ULK1: variants seen among roughly 807,000 people sequenced by gnomAD.
ULK1 encodes serine/threonine-protein kinase ULK1.
ULK1 carries 48 observed loss-of-function variants against 117.5 expected under a neutral mutation model. The observed-to-expected ratio is 0.41, with a 90% CI of 0.32 to 0.52. The LOEUF is 0.52. Among genes scored for constraint, ULK1 ranks in the 20% least tolerant of loss-of-function variants. ULK1 has a pLI of 0.29. For missense variants in ULK1, 1,387 were observed against 1,473.4 expected, an observed-to-expected ratio of 0.94 and a Z score of 0.96; for synonymous variants, 790 against 637.8, an observed-to-expected ratio of 1.24 and a Z score of -3.60.
At chr12:131,907,572 C>T in intron 5 of ULK1, 41 bp downstream of exon 5, 1 of 1,596,482 alleles carries the variant, frequency 6.3e-7, no homozygotes, top group Non-Finnish European at 8.5e-7. Context: ...CAGCCGGTCC[C>T]ACAGGGCCCG....
rs1278566482 is a variant in ULK1, at chr12:131,919,999, C to G, written c.2824C>G (p.Leu942Val). Residue 942 changes from leucine to valine, a missense_variant, in exon 26 of 28, where the codon CTG becomes GTG. Around this residue, in one of 4 missense-constraint regions of ULK1, gnomAD observed 900 missense variants for 858.9 expected, o/e 1.05. Coordinates refer to ENST00000321867, the MANE Select transcript of ULK1 (RefSeq NM_003565.4). ...VKQVVRRLNE[L>V]YKASVVSCQG... ...TGCAGTGGTGCGCAGGCTGAATGAG[C>G]TGTACAAGGCCAGCGTGGTGTCCTG... 6.2e-7 allele frequency: 1 copy of G among 1,612,766 alleles called. No individual in the cohort carries two copies. Among genetic ancestry groups the G allele is most frequent in the Non-Finnish European group, 8.5e-7 (1 of 1,179,888 alleles).
Position 131,903,614 on chromosome 12 carries a change from T to C in ULK1, c.247-3278T>C, listed in dbSNP as rs1022604361. Among the ~76,000 whole-genome samples the C allele has an allele frequency of 2.6e-5, 4 of 151,734 alleles. No individual in the cohort carries two copies. The highest frequency in any genetic ancestry group is 2.9e-5 in the Non-Finnish European group (2 of 67,942). ...GAAGCTGTCATCTGTCCCAGGGGAG[T>C]TGGGAAGACCCGAATGCCTGTGGTG... On this transcript the variant is annotated intron_variant, in intron 3 of 27. Transcript: ENST00000321867. This position sits in a 1 kb window ranked among gnomAD's most constrained non-coding sequence, Gnocchi z 6.0.
chr12:131,919,035 G>A (rs1234540955), intron 23 of ULK1, among the ~76,000 whole-genome samples, 177 bp from the exon 24 acceptor site: 1 of 145,350 alleles, frequency 6.9e-6, no homozygotes, highest in Non-Finnish European at 1.5e-5. Flanking sequence ...TGGGGTGTAC[G>A]GTGTGTGGGG....
chr12:131,894,977 C>G lies in ULK1; in HGVS notation c.-25C>G, dbSNP rs1888801049. On this transcript the variant is annotated 5_prime_UTR_variant, in exon 1 of 28. Coordinates refer to ENST00000321867, the MANE Select transcript of ULK1 (RefSeq NM_003565.4). ...CGCGCCTTGGCCCGCCACCCCCCGCCCCGCGCCCCCGGCCCGCCTGCGCCA... is the reference window on the plus strand; with the variant it reads ...CGCGCCTTGGCCCGCCACCCCCCGCGCCGCGCCCCCGGCCCGCCTGCGCCA... 7.9e-7 allele frequency: 1 copy of G among 1,265,828 alleles called. No individual in the cohort carries two copies. The highest frequency in any genetic ancestry group is 1.0e-6 in the Non-Finnish European group (1 of 998,334). 78.4% of individuals were successfully genotyped at this position (1,265,828 alleles called of 1,614,324 possible).
intron 26 of ULK1, 99 bp from the exon 27 acceptor site, chr12:131,921,001 T>C (rs1593278859): frequency 1.4e-6 from 2 of 1,446,490 alleles, no homozygotes; most frequent in Non-Finnish European, 1.8e-6. Flanking sequence ...CCTGAGCGCC[T>C]ATCTGCCACC....
Position 131,895,668 on chromosome 12 carries a change from T to C in ULK1, c.179T>C (p.Leu60Pro). The C allele has an allele frequency of 6.2e-7, 1 of 1,613,960 alleles. No homozygotes were observed. The highest frequency in any genetic ancestry group is 8.5e-7 in the Non-Finnish European group (1 of 1,179,988). Residue 60 changes from leucine to proline, a missense_variant, in exon 2 of 28, where the codon CTG (leucine) becomes CCG (proline). Transcript: ENST00000321867. ...KKNLAKSQTLLGKEIKILKEL... is the reference protein window; with the variant it reads ...KKNLAKSQTLPGKEIKILKEL... ...AACCTCGCCAAGTCTCAGACGCTGC[T>C]GGGGAAGGAAATCAAAATCCTGAAG...
chr12:131,919,558 G>A lies in ULK1; in HGVS notation c.2771G>A (p.Gly924Asp), dbSNP rs1163067831. The A allele has an allele frequency of 2.5e-6, 4 of 1,612,146 alleles. No individual in the cohort carries two copies. Among genetic ancestry groups the A allele is most frequent in the Non-Finnish European group, 3.4e-6 (4 of 1,179,630 alleles). ...LQSAIDQIRA[G>D]KLCLSSTVKQ... is the part of the protein sequence containing the mutation. Reference sequence around the variant, plus strand: ...AGTGCCATCGACCAGATCCGGGCCGGCAAGCTCTGCCTGTCGTCCACTGTG... The same window carrying A: ...AGTGCCATCGACCAGATCCGGGCCGACAAGCTCTGCCTGTCGTCCACTGTG... Residue 924 changes from glycine (G) to aspartate (D), a missense_variant, in exon 25 of 28, where the codon GGC becomes GAC. Physicochemically the swap from Gly to Asp is moderately conservative, Grantham distance 94. Coordinates refer to ENST00000321867, the MANE Select transcript of ULK1 (RefSeq NM_003565.4).
intron 18 of ULK1, 51 bp from the exon 19 acceptor site, chr12:131,915,840 A>G (rs1172099805): frequency 8.1e-6 from 13 of 1,599,330 alleles, no homozygotes; most frequent in Non-Finnish European, 1.1e-5. Flanking sequence ...AGTGGGGCCT[A>G]GGGCTGGGCC....
chr12:131,919,593 G>A lies in ULK1; in HGVS notation c.2803+3G>A. 2 of 1,611,106 alleles carry A rather than the reference G, an allele frequency of 1.2e-6. No homozygotes were observed. Among genetic ancestry groups the A allele is most frequent in the Middle Eastern group, 1.7e-4 (1 of 6,054 alleles). On this transcript the variant is annotated splice_donor_region_variant and intron_variant, in intron 25 of 27. Transcript: ENST00000321867. The stretch of plus-strand genomic sequence containing the variant: ...CCTGTCGTCCACTGTGAAGCAGGGT[G>A]AGGGCTGCGACCGCTCAGCCCACAT...
intron 22 of ULK1, among the ~76,000 whole-genome samples, chr12:131,917,989 TC>T (rs1319637859): frequency 6.6e-6 from 1 of 152,046 alleles, no homozygotes; most frequent in Non-Finnish European, 1.5e-5. Flanking sequence ...CCTGGCTGGG[TC>T]CCCACTGCGG....
At chr12:131,906,084 G>A (rs1333899014) in intron 3 of ULK1, among the ~76,000 whole-genome samples, 5 of 152,152 alleles carry the variant, frequency 3.3e-5, no homozygotes, top group African/African-American at 1.2e-4. Flanking sequence ...GCGCCAACCT[G>A]CAATCTGTTG....
At chr12:131,914,225 G>C in intron 15 of ULK1, 127 bp from the exon 16 acceptor site, 2 of 1,447,392 alleles carry the variant, frequency 1.4e-6, no homozygotes, top group South Asian at 2.6e-5. Flanking sequence ...CCTGGCATGG[G>C]TCTCAGGGTG....
At position 131,912,052 on chromosome 12, in the gene ULK1, C is replaced by T. The variant is rs750104802; in HGVS notation, c.1059C>T (p.Asp353=). 4 of 1,612,798 alleles carry T rather than the reference C, an allele frequency of 2.5e-6. No homozygotes were observed. In the Admixed American group the frequency reaches 5.0e-5, roughly 20 times the overall value. The change falls in exon 13 of 28, where the codon GAC becomes GAT. Residue 353 remains aspartate, a synonymous_variant. Transcript: ENST00000321867. ...DSGGSKDSSC[D]TDDFVMVPAQ... ...GTGGCAGCAAGGACTCTTCCTGTGA[C>T]ACAGACGACTTCGTCATGGTCCCCG...
intron 8 of ULK1, among the ~76,000 whole-genome samples, chr12:131,909,503 T>C (rs1889429906): frequency 1.3e-5 from 2 of 152,142 alleles, no homozygotes; most frequent in African/African-American, 4.8e-5. Context: ...TCTGGTCGCC[T>C]GCCTGGTCAG....
chr12:131,897,980 G>A (rs1888942092), intron 3 of ULK1: 1 of 152,246 alleles, frequency 6.6e-6, no homozygotes, highest in African/African-American at 2.4e-5. Context: ...TCGAGAGCCA[G>A]GCTGACGCTG....
intron 3 of ULK1, among the ~76,000 whole-genome samples, chr12:131,898,580 C>A (rs935335412): frequency 2.6e-5 from 4 of 152,230 alleles, no homozygotes; most frequent in Admixed American, 6.5e-5. Flanking sequence ...CCCCTCACTG[C>A]AACCTCCGCC....
At chr12:131,917,373 G>A in intron 21 of ULK1, 38 bp from the exon 22 acceptor site, 1 of 1,319,724 alleles carries the variant, frequency 7.6e-7, no homozygotes, top group Non-Finnish European at 9.6e-7. Context: ...GGGTCGGCGG[G>A]AGTCAGGATG....
rs1419914284 is a variant in ULK1, at chr12:131,894,760, G to C, written c.-242G>C. The C allele has an allele frequency of 6.6e-6, 1 of 151,118 alleles. No homozygotes were observed. Among genetic ancestry groups the C allele is most frequent in the Non-Finnish European group, 1.5e-5 (1 of 67,714 alleles). The allele number at this position is 151,118 out of a possible 1,614,324, so 9.4% of individuals were successfully genotyped here. ...GATCCGGATTCGGATTAGCAGCCCG[G>C]GAAGAGTGCCGTGGCACAGGCGCCG... On this transcript the variant is annotated 5_prime_UTR_variant, in exon 1 of 28. Transcript: ENST00000321867.
chr12:131,909,085 C>T (rs1039237766), intron 7 of ULK1, 51 bp from the exon 8 acceptor site: 1 of 1,602,784 alleles, frequency 6.2e-7, no homozygotes, highest in Non-Finnish European at 8.5e-7. Context: ...CGGGCACCTT[C>T]TGTGGTTGGC....
Sources: allele counts gnomAD v4.1 joint callset (sites outside exome capture counted in the v4.1 genomes callset), GRCh38; gene constraint gnomAD v4.1.1; regional missense constraint gnomAD v4.1.1; non-coding constraint Gnocchi (gnomAD v3.1); transcripts MANE v1.5; gene names NCBI Gene and HGNC (gene_info 2026-07-23, HGNC 2026-07-21).